The following AGMO variants were observed in gnomAD, a reference collection of about 807,000 sequenced individuals.
AGMO encodes alkylglycerol monooxygenase.
Under a neutral mutation model 60.2 loss-of-function variants are expected in AGMO, and 75 were observed. The ratio of observed to expected loss-of-function variants is 1.25; its 90% CI spans 1.03 to 1.51. AGMO has a LOEUF of 1.51. Ranked by LOEUF, AGMO falls within the 40% of genes most tolerant of loss-of-function variation. The pLI, the probability that AGMO is intolerant of heterozygous loss-of-function variation, is 0.00. For missense variants in AGMO, 763 were observed against 525.5 expected (o/e 1.45, Z -4.42); for synonymous variants, 261 against 177.1 (o/e 1.47, Z -3.76).
the AGMO span, among the ~76,000 whole-genome samples, chr7:15,173,738 T>C: frequency 6.6e-6 from 1 of 151,878 alleles, no homozygotes; most frequent in Non-Finnish European, 1.5e-5. Context: ...AGTTTACAAA[T>C]TTCCTTATTT....
At chr7:15,340,163 C>T (rs1020897265) in intron 12 of AGMO, among the ~76,000 whole-genome samples, 2 of 152,140 alleles carry the variant, frequency 1.3e-5, no homozygotes, top group Non-Finnish European at 2.9e-5. Flanking sequence ...ATGCTATATA[C>T]ACGTTATACA....
At chr7:15,394,630 G>A (rs768416482) in intron 5 of AGMO, among the ~76,000 whole-genome samples, 7 of 152,096 alleles carry the variant, frequency 4.6e-5, no homozygotes, top group South Asian at 2.1e-4. Flanking sequence ...TATAGTTTTT[G>A]CCTTCCAACT....
intron 5 of AGMO, among the ~76,000 whole-genome samples, chr7:15,417,624 C>A (rs1780810269): frequency 6.6e-6 from 1 of 152,138 alleles, no homozygotes; most frequent in Non-Finnish European, 1.5e-5. Context: ...TCATAAAACA[C>A]AATACTATTT....
the AGMO span, among the ~76,000 whole-genome samples, chr7:15,138,194 A>T: frequency 6.6e-6 from 1 of 152,136 alleles, no homozygotes; most frequent in Non-Finnish European, 1.5e-5. Context: ...AGCTTGCATA[A>T]CTGTTACTTA....
chr7:15,499,222 C>G (rs1783314266), intron 3 of AGMO, among the ~76,000 whole-genome samples: 1 of 151,810 alleles, frequency 6.6e-6, no homozygotes, highest in South Asian at 2.1e-4. Context: ...TTTCATCCCA[C>G]AACAGCCTTT....
chr7:15,349,378 A>G (rs1782150149), intron 12 of AGMO, among the ~76,000 whole-genome samples: 1 of 152,116 alleles, frequency 6.6e-6, no homozygotes, highest in Non-Finnish European at 1.5e-5. Flanking sequence ...TGTTTTGTCT[A>G]CTTTGATTAT....
At chr7:15,166,056 A>G in the AGMO span, among the ~76,000 whole-genome samples, 1 of 152,200 alleles carries the variant, frequency 6.6e-6, no homozygotes, top group African/African-American at 2.4e-5. Flanking sequence ...AACAAAACAG[A>G]CAACGACCCC....
intron 3 of AGMO, among the ~76,000 whole-genome samples, chr7:15,501,576 C>T (rs953368866): frequency 6.6e-6 from 1 of 151,718 alleles, no homozygotes; most frequent in South Asian, 2.1e-4. Context: ...CATTATTATG[C>T]CCTACAGAGG....
At chr7:15,141,330 T>A in the AGMO span, among the ~76,000 whole-genome samples, 1 of 152,142 alleles carries the variant, frequency 6.6e-6, no homozygotes, top group African/African-American at 2.4e-5. Flanking sequence ...ACGTCTGTAA[T>A]CCCAACACTT....
intron 10 of AGMO, among the ~76,000 whole-genome samples, chr7:15,372,617 A>G (rs1783264782): frequency 6.6e-6 from 1 of 152,082 alleles, no homozygotes; most frequent in Admixed American, 6.6e-5. Context: ...CCACTGGCCA[A>G]CTACACTAGA....
chr7:15,370,730 G>A (rs1485097640), intron 10 of AGMO, among the ~76,000 whole-genome samples: 3 of 152,066 alleles, frequency 2.0e-5, no homozygotes, highest in Non-Finnish European at 4.4e-5. Context: ...ATTTTTTAAT[G>A]TGGCTATTTG....
chr7:15,194,253 G>A, the AGMO span, among the ~76,000 whole-genome samples: 1 of 152,134 alleles, frequency 6.6e-6, no homozygotes, highest in Non-Finnish European at 1.5e-5. Flanking sequence ...ATGGCAGTGA[G>A]ATGAAACTGG....
chr7:15,329,009 G>A (rs944297565), intron 12 of AGMO, among the ~76,000 whole-genome samples: 1 of 152,072 alleles, frequency 6.6e-6, no homozygotes, highest in Non-Finnish European at 1.5e-5. Context: ...TCGGGAGTTT[G>A]CCAAGAGTTC....
intron 3 of AGMO, among the ~76,000 whole-genome samples, chr7:15,456,076 A>C (rs980113633): frequency 6.6e-6 from 1 of 151,930 alleles, no homozygotes; most frequent in Admixed American, 6.6e-5. Context: ...TAGTTTTCTT[A>C]TCTATGTCTA....
intron 10 of AGMO, among the ~76,000 whole-genome samples, chr7:15,378,274 A>G (rs4256491): frequency 0.93 from 141,213 of 152,080 alleles, 65,743 homozygotes; most frequent in East Asian, 1. Flanking sequence ...TTCCTATATG[A>G]AGAATAATTT....
chr7:15,525,475 A>C (rs1784103651), intron 3 of AGMO, among the ~76,000 whole-genome samples: 1 of 151,982 alleles, frequency 6.6e-6, no homozygotes, highest in Non-Finnish European at 1.5e-5. Context: ...GCATACTCAC[A>C]AACCAATCAG....
At chr7:15,139,820 C>CAAAAAAAAAAAAAAA in the AGMO span, among the ~76,000 whole-genome samples, 3 of 66,286 alleles carry the variant, frequency 4.5e-5, no homozygotes, top group African/African-American at 1.2e-4. Flanking sequence ...TCTCAAAAGA[C>CAAAAAAAAAAAAAAA]AAAAAAAAAA....
At chr7:15,544,268 G>A (rs1784710358) in intron 3 of AGMO, among the ~76,000 whole-genome samples, 1 of 151,936 alleles carries the variant, frequency 6.6e-6, no homozygotes. Flanking sequence ...TGGGTACAGG[G>A]TACAATGCTC....
At chr7:15,456,466 GC>G (rs1462293783) in intron 3 of AGMO, among the ~76,000 whole-genome samples, 1 of 152,046 alleles carries the variant, frequency 6.6e-6, no homozygotes, top group Non-Finnish European at 1.5e-5. Context: ...GATTCTTGAG[GC>G]CAGTGAGGAC....
Sources: allele counts gnomAD v4.1 joint callset (sites outside exome capture counted in the v4.1 genomes callset), GRCh38; gene constraint gnomAD v4.1.1; transcripts MANE v1.5; gene names NCBI Gene and HGNC (gene_info 2026-07-23, HGNC 2026-07-21).